HMCN2: variants seen among roughly 807,000 people sequenced by gnomAD.
HMCN2 encodes hemicentin 2.
Under a neutral mutation model 377.5 loss-of-function variants are expected in HMCN2, and 325 were observed. The observed-to-expected ratio is 0.86, with a 90% CI of 0.79 to 0.94. The LOEUF (loss-of-function observed/expected upper bound fraction) is 0.94. Among genes scored for constraint, HMCN2 ranks in the 40% least tolerant of loss-of-function variants. HMCN2 has a pLI of 0.00. For missense variants in HMCN2, 4,543 were observed against 4,725.3 expected (o/e 0.96, Z 1.13); for synonymous variants, 2,007 against 2,046.8 (o/e 0.98, Z 0.53).
chr9:130,358,622 G>A lies in HMCN2; in HGVS notation c.5677+136G>A, dbSNP rs990724823. On this transcript the variant is annotated intron_variant, in intron 36 of 97. Transcript: ENST00000683500. ...AGTTGTGCACTTAACTTCAGAGGAAGTAGAAAGCCCTGAAATGAAAGTGTT... is the reference window on the plus strand; with the variant it reads ...AGTTGTGCACTTAACTTCAGAGGAAATAGAAAGCCCTGAAATGAAAGTGTT... 1.2e-5 allele frequency: 9 copies of A among 753,158 alleles called. No individual in the cohort carries two copies. The Admixed American group carries it at 1.4e-4, about 12-fold the overall frequency. 46.7% of individuals were successfully genotyped at this position (753,158 alleles called of 1,614,324 possible).
At position 130,418,844 on chromosome 9, in the gene HMCN2, A is replaced by C. The variant is rs539374012; in HGVS notation, c.13034A>C (p.Gln4345Pro). The change falls in exon 86 of 98, where the codon CAG becomes CCG. Residue 4345 changes from glutamine to proline, a missense_variant. By Grantham distance (76) the Gln-to-Pro change is moderately conservative. This residue lies in a region of HMCN2 where 1,155 missense variants were observed against 1,157.7 expected (regional missense o/e 1.00). Coordinates refer to ENST00000683500, the MANE Select transcript of HMCN2 (RefSeq NM_001291815.2). The stretch of plus-strand genomic sequence containing the variant: ...GGGGATGACGTGGCCCTGCGGTGCC[A>C]GGCCACTGGAGAGCCCACACCCACC... ...RSGDDVALRCQATGEPTPTIE... is the reference protein window; with the variant it reads ...RSGDDVALRCPATGEPTPTIE... The C allele has an allele frequency of 2.6e-6, 4 of 1,544,418 alleles. No homozygotes were observed. Among genetic ancestry groups the C allele is most frequent in the Non-Finnish European group, 3.5e-6 (4 of 1,143,250 alleles).
chr9:130,322,598 C>G (rs1347138278), intron 19 of HMCN2, among the ~76,000 whole-genome samples: 2 of 152,176 alleles, frequency 1.3e-5, no homozygotes, highest in Non-Finnish European at 2.9e-5. Context: ...CCCGCCCAAC[C>G]GCATCCCCCA....
intron 49 of HMCN2, among the ~76,000 whole-genome samples, chr9:130,375,353 A>T (rs1451696696): frequency 6.6e-6 from 1 of 152,184 alleles, no homozygotes; most frequent in Non-Finnish European, 1.5e-5. Flanking sequence ...AGTATTGCTT[A>T]GCGTTTGGAG....
chr9:130,415,276 A>G (rs1843626868), intron 85 of HMCN2, among the ~76,000 whole-genome samples: 1 of 152,256 alleles, frequency 6.6e-6, no homozygotes, highest in Admixed American at 6.5e-5. Flanking sequence ...CTCAGCTTGA[A>G]TGAGAACTGA....
At chr9:130,399,021 G>C (rs111898938) in intron 75 of HMCN2, among the ~76,000 whole-genome samples, 2,375 of 152,250 alleles carry the variant, frequency 0.016, 72 homozygotes, top group African/African-American at 0.053. Context: ...GGGAGGCTGA[G>C]GTGGGAGGAT....
intron 49 of HMCN2, 32 bp downstream of exon 49, chr9:130,374,725 G>A (rs765253973): frequency 2.0e-6 from 2 of 980,252 alleles, no homozygotes; most frequent in South Asian, 9.4e-5. Flanking sequence ...GCCACCGCGG[G>A]TGCTGGAGGG....
At chr9:130,385,859 G>C in intron 60 of HMCN2, 97 bp downstream of exon 60, 2 of 819,304 alleles carry the variant, frequency 2.4e-6, no homozygotes, top group Non-Finnish European at 3.5e-6. Flanking sequence ...CAGGATGTGA[G>C]TTGCTGCCTC....
At position 130,265,979 on chromosome 9, in the gene HMCN2, CG is replaced by C. The variant is rs1834071402; in HGVS notation, c.106del (p.Asp36ThrfsTer18). On this transcript the variant is annotated frameshift_variant, in exon 1 of 98. Coordinates refer to ENST00000683500, the MANE Select transcript of HMCN2 (RefSeq NM_001291815.2). LOFTEE classifies it high-confidence loss of function. Reference protein sequence around the residue: ...GAPGTVMPPTTGDATLAFVFD... With the variant: ...GAPGTVMPPTXGDATLAFVFD... ...CCCGGGACGGTAATGCCCCCCACCA[CG>C]GGGGACGCCACCCTGGCCTTCGTCT... is the stretch of plus-strand genomic sequence containing the variant. 2.1e-6 allele frequency: 1 copy of C among 468,312 alleles called. No homozygotes were observed. The allele number at this position is 468,312 out of a possible 1,614,324, so 29.0% of individuals were successfully genotyped here.
chr9:130,408,584 G>A (rs1053867689), intron 83 of HMCN2, among the ~76,000 whole-genome samples, 159 bp from the exon 84 acceptor site: 1 of 152,182 alleles, frequency 6.6e-6, no homozygotes, highest in Non-Finnish European at 1.5e-5. Flanking sequence ...AACACTGTTT[G>A]CTGTCCCTGA....
In HMCN2 at chr9:130,403,728, C is replaced by T. The variant is rs965738221; in HGVS notation, c.12014-13C>T. 1.2e-5 allele frequency: 16 copies of T among 1,287,722 alleles called. No homozygotes were observed. The Admixed American group carries it at 3.5e-4, about 28-fold the overall frequency. 79.8% of individuals were successfully genotyped at this position (1,287,722 alleles called of 1,614,324 possible). A position where few individuals can be genotyped will look rare whatever the true frequency, so the allele number is the denominator to read the frequency against. ...CAGTTCCCAGGCCCCCGATTTTCTT[C>T]TTCCTCGTTCAGGAGTGAGTACCCA... On this transcript the variant is annotated splice_polypyrimidine_tract_variant and intron_variant, in intron 79 of 97. Transcript: ENST00000683500.
At chr9:130,374,816 TG>T (rs1841285918) in intron 49 of HMCN2, 123 bp downstream of exon 49, 1 of 374,692 alleles carries the variant, frequency 2.7e-6, no homozygotes, top group African/African-American at 2.2e-5. Flanking sequence ...TCTCCGAGTT[TG>T]ACAACAAAAA....
intron 56 of HMCN2, among the ~76,000 whole-genome samples, chr9:130,383,221 G>A (rs1029656518): frequency 2.0e-5 from 3 of 150,776 alleles, no homozygotes; most frequent in Non-Finnish European, 4.4e-5. Flanking sequence ...ACAGAGCTGC[G>A]GGGACCCTGG....
intron 71 of HMCN2, 34 bp from the exon 72 acceptor site, chr9:130,395,890 A>G: frequency 7.8e-7 from 1 of 1,276,374 alleles, no homozygotes; most frequent in Non-Finnish European, 1.0e-6. Flanking sequence ...CTGGGCACTG[A>G]TAAGGGTCTG....
chr9:130,296,711 G>T lies in HMCN2; in HGVS notation c.929G>T (p.Gly310Val), dbSNP rs782150636. ...SSGRHSVRITGVSNIDFRAGF... is the reference protein window; with the variant it reads ...SSGRHSVRITVVSNIDFRAGF... Reference sequence around the variant, plus strand: ...GGCCGCCATTCAGTGAGGATCACAGGCGTCAGCAACATTGACTTCCGAGCC... The same window carrying T: ...GGCCGCCATTCAGTGAGGATCACAGTCGTCAGCAACATTGACTTCCGAGCC... The change falls in exon 7 of 98, where the codon GGC becomes GTC. Residue 310 changes from glycine (G) to valine (V), a missense_variant. Around this residue, in one of 5 missense-constraint regions of HMCN2, gnomAD observed 547 missense variants for 189.9 expected, o/e 2.88. Coordinates refer to ENST00000683500, the MANE Select transcript of HMCN2 (RefSeq NM_001291815.2). The T allele has an allele frequency of 1.7e-5, 8 of 471,022 alleles. No individual in the cohort carries two copies. Among genetic ancestry groups the T allele is most frequent in the African/African-American group, 1.0e-4 (5 of 50,060 alleles). 29.2% of individuals were successfully genotyped at this position (471,022 alleles called of 1,614,324 possible). A position where few individuals can be genotyped will look rare whatever the true frequency, so the allele number is the denominator to read the frequency against.
At chr9:130,354,128 C>A (rs185157907) in intron 31 of HMCN2, among the ~76,000 whole-genome samples, 3 of 152,296 alleles carry the variant, frequency 2.0e-5, no homozygotes, top group Admixed American at 2.0e-4. Context: ...GCGTCTTACA[C>A]CCAAATAAGG....
At chr9:130,355,076 T>G (rs553733317) in intron 32 of HMCN2, 32 bp downstream of exon 32, 1 of 1,242,394 alleles carries the variant, frequency 8.0e-7, no homozygotes, top group Admixed American at 2.5e-5. Context: ...CAGAGCTGCC[T>G]GGGCTGTGGA....
intron 73 of HMCN2, among the ~76,000 whole-genome samples, chr9:130,397,312 C>T (rs1051263039): frequency 1.1e-4 from 16 of 152,198 alleles, no homozygotes; most frequent in Admixed American, 1.0e-3. Flanking sequence ...ACGGGAAAGA[C>T]CCGCCCCCCA....
At chr9:130,378,221 A>G (rs1841498522) in intron 53 of HMCN2, among the ~76,000 whole-genome samples, 2 of 150,836 alleles carry the variant, frequency 1.3e-5, no homozygotes, top group Admixed American at 1.3e-4. Context: ...TGCTTGCGTC[A>G]GTGTTTGACG....
intron 1 of HMCN2, among the ~76,000 whole-genome samples, chr9:130,278,921 C>T (rs1238796786): frequency 5.8e-5 from 8 of 137,748 alleles, no homozygotes; most frequent in East Asian, 2.2e-4. Flanking sequence ...TTTTTTGAGA[C>T]GGAGTCTCAC....
Sources: gnomAD v4.1 joint callset for allele counts (sites outside exome capture counted in the v4.1 genomes callset) on GRCh38, gnomAD v4.1.1 for gene constraint, gnomAD v4.1.1 regional missense constraint, MANE v1.5 for transcripts, NCBI Gene and HGNC (gene_info 2026-07-23, HGNC 2026-07-21) for gene names.